The following TTC7A variants were observed in gnomAD, a reference collection of about 807,000 sequenced individuals.
TTC7A encodes the protein tetratricopeptide repeat protein 7A.
In TTC7A, 110 loss-of-function variants were observed where a neutral mutation model predicts 103.7. The observed-to-expected ratio is 1.06, with a 90% CI of 0.91 to 1.24. The LOEUF (loss-of-function observed/expected upper bound fraction) is 1.24. Among genes scored for constraint, TTC7A ranks in the 50% most tolerant of loss-of-function variants. The probability of loss-of-function intolerance (pLI) is 0.00; values close to 1 mark genes in which losing one functional copy is unlikely to be tolerated. For missense variants in TTC7A, 1,340 were observed against 1,116.3 expected, an observed-to-expected ratio of 1.20 and a Z score of -2.86; for synonymous variants, 521 against 467.9, an observed-to-expected ratio of 1.11 and a Z score of -1.47.
chr2:46,938,976 A>T (rs1047119018), upstream of TTC7A, among the ~76,000 whole-genome samples: 23 of 150,222 alleles, frequency 1.5e-4, no homozygotes, highest in Middle Eastern at 0.01. Context: ...GTGCCACTGC[A>T]TTCCAGCCTG....
chr2:46,967,343 C>T (rs980918499), intron 3 of TTC7A, among the ~76,000 whole-genome samples: 12 of 152,330 alleles, frequency 7.9e-5, no homozygotes, highest in African/African-American at 2.9e-4. Flanking sequence ...CATTATTGTG[C>T]AACCAGTCTC....
intron 15 of TTC7A, among the ~76,000 whole-genome samples, chr2:47,039,554 T>A (rs914231132): frequency 6.6e-6 from 1 of 151,016 alleles, no homozygotes; most frequent in Admixed American, 6.6e-5. Context: ...AAGATAACTA[T>A]TTTTTTTTAA....
chr2:47,007,601 C>T lies in TTC7A; in HGVS notation c.1287+877C>T, dbSNP rs764864840. Among the ~76,000 whole-genome samples, 4 of 152,148 alleles carry T rather than the reference C, an allele frequency of 2.6e-5. No homozygotes were observed. Among genetic ancestry groups the T allele is most frequent in the African/African-American group, 4.8e-5 (2 of 41,436 alleles). On this transcript the variant is annotated intron_variant, in intron 10 of 19. Transcript: ENST00000319190. This position sits in a 1 kb window ranked among gnomAD's most constrained non-coding sequence, Gnocchi z 4.9. ...GCAGCCGTCTCTGAGGAGGGCCCTC[C>T]TGGCTTGCCAGTGCCTCCTCCACGC...
exon 1 of TTC7A, chr2:46,916,185 T>C: frequency 3.1e-6 from 3 of 983,142 alleles, no homozygotes; most frequent in South Asian, 4.7e-5. Context: ...GGTTCAGGTC[T>C]CTTGGTTCGT....
At chr2:47,041,289 C>T (rs994377451) in intron 15 of TTC7A, among the ~76,000 whole-genome samples, 12 of 152,244 alleles carry the variant, frequency 7.9e-5, no homozygotes, top group African/African-American at 2.9e-4. Context: ...TAGGCAGATA[C>T]TGTGTGCTCA....
At position 46,956,984 on chromosome 2, in the gene TTC7A, T is replaced by C; in HGVS notation, c.494T>C (p.Leu165Pro). Reference protein sequence around the residue: ...ENKPLYQMRLLSEAFVIKGLS... With the variant: ...ENKPLYQMRLPSEAFVIKGLS... ...AAGCCCCTGTATCAGATGCGGCTGCTGTCGGAGGCTTTTGTCATCAAAGGT... is the reference window on the plus strand; with the variant it reads ...AAGCCCCTGTATCAGATGCGGCTGCCGTCGGAGGCTTTTGTCATCAAAGGT... The change falls in exon 3 of 20, where the codon CTG becomes CCG. Residue 165 changes from leucine (L) to proline (P), a missense_variant. Coordinates refer to ENST00000319190, the MANE Select transcript of TTC7A (RefSeq NM_020458.4). 1.2e-6 allele frequency: 2 copies of C among 1,614,144 alleles called. No individual in the cohort carries two copies. The highest frequency in any genetic ancestry group is 8.5e-7 in the Non-Finnish European group (1 of 1,180,002).
At chr2:46,999,951 C>G (rs1676624405) in intron 8 of TTC7A, 4 of 940,986 alleles carry the variant, frequency 4.3e-6, no homozygotes, top group Middle Eastern at 5.5e-4. Flanking sequence ...ATGCCCAATG[C>G]TGGGCATCTG....
chr2:46,916,201 T>C, exon 1 of TTC7A: 1 of 974,984 alleles, frequency 1.0e-6, no homozygotes, highest in Non-Finnish European at 1.2e-6. Context: ...TTCGTCCTGC[T>C]GCAAGTTGGG....
At chr2:47,030,953 C>A (rs1184414116) in intron 15 of TTC7A, among the ~76,000 whole-genome samples, 1 of 152,198 alleles carries the variant, frequency 6.6e-6, no homozygotes, top group African/African-American at 2.4e-5. Context: ...TCAAGACCAG[C>A]CTTGCCAACA....
chr2:47,073,269 T>TGCCAGACACTTCTCAGA (rs1684927721), intron 19 of TTC7A, among the ~76,000 whole-genome samples: 1 of 152,190 alleles, frequency 6.6e-6, no homozygotes, highest in South Asian at 2.1e-4. Flanking sequence ...AACACACTCC[T>TGCCAGACACTTCTCAGA]GCCAGACACT....
intron 11 of TTC7A, among the ~76,000 whole-genome samples, chr2:47,021,509 GC>G (rs1205731808): frequency 6.6e-6 from 1 of 152,216 alleles, no homozygotes; most frequent in Non-Finnish European, 1.5e-5. Flanking sequence ...GCTCCATGGG[GC>G]TGAGGACATC....
intron 15 of TTC7A, among the ~76,000 whole-genome samples, chr2:47,045,975 G>A (rs369722809): frequency 5.9e-5 from 9 of 152,238 alleles, no homozygotes; most frequent in African/African-American, 2.2e-4. Flanking sequence ...AGTGGAGGAT[G>A]TGGGTAGGAA....
intron 8 of TTC7A, among the ~76,000 whole-genome samples, chr2:47,000,844 T>C (rs1676734379): frequency 6.6e-6 from 1 of 152,150 alleles, no homozygotes. Context: ...GCATGTTCTT[T>C]GCAGAGAAGC....
intron 15 of TTC7A, among the ~76,000 whole-genome samples, chr2:47,041,513 G>C (rs2104670949): frequency 6.6e-6 from 1 of 152,318 alleles, no homozygotes; most frequent in Admixed American, 6.5e-5. Flanking sequence ...AGCACTTTGG[G>C]AGGCCAAGGT....
At chr2:46,978,980 T>C in intron 5 of TTC7A, 73 bp downstream of exon 5, 2 of 1,055,154 alleles carry the variant, frequency 1.9e-6, no homozygotes, top group Non-Finnish European at 2.9e-6. Context: ...GCCTTAAGGC[T>C]GCTCTCCCTC....
intron 11 of TTC7A, among the ~76,000 whole-genome samples, chr2:47,019,958 C>T (rs2104536126): frequency 6.6e-6 from 1 of 152,288 alleles, no homozygotes; most frequent in Non-Finnish European, 1.5e-5. Context: ...CCTCCTTTTC[C>T]ACCTCTGCTG....
chr2:46,999,634 AC>A (rs1431675195), intron 8 of TTC7A: 2 of 985,294 alleles, frequency 2.0e-6, no homozygotes, highest in Middle Eastern at 5.2e-4. Context: ...AGAAGGAATG[AC>A]CCCAGCCTGC....
intron 16 of TTC7A, among the ~76,000 whole-genome samples, chr2:47,049,724 C>G (rs1472588196): frequency 1.3e-5 from 2 of 152,072 alleles, no homozygotes; most frequent in East Asian, 1.9e-4. Context: ...GTTTCCAGGT[C>G]TCAGCCTGTG....
At position 46,960,639 on chromosome 2, in the gene TTC7A, C is replaced by G. The variant is rs574872754; in HGVS notation, c.517+3632C>G. ...GTTGGTGAGACACTGCCCTGGAACA[C>G]TTGTTTAATAAATATTTGTTGACTG... On this transcript the variant is annotated intron_variant, in intron 3 of 19. Coordinates refer to ENST00000319190, the MANE Select transcript of TTC7A (RefSeq NM_020458.4). 3.3e-5 allele frequency among the ~76,000 whole-genome samples: 5 copies of G among 152,344 alleles called. No homozygotes were observed. In the South Asian group the frequency reaches 1.0e-3, roughly 32 times the overall value.
Sources: allele counts gnomAD v4.1 joint callset (sites outside exome capture counted in the v4.1 genomes callset), GRCh38; gene constraint gnomAD v4.1.1; non-coding constraint Gnocchi (gnomAD v3.1); transcripts MANE v1.5; gene names NCBI Gene and HGNC (gene_info 2026-07-23, HGNC 2026-07-21).